MCTP1: variants seen among roughly 807,000 people sequenced by gnomAD.
MCTP1 encodes the protein multiple C2 and transmembrane domain-containing protein 1.
MCTP1 carries 69 observed loss-of-function variants against 120.6 expected under a neutral mutation model. The ratio of observed to expected loss-of-function variants is 0.57; its 90% CI spans 0.47 to 0.70. MCTP1 has a LOEUF of 0.70. MCTP1 is among the 30% of genes least tolerant of loss of function. The pLI, the probability that MCTP1 is intolerant of heterozygous loss-of-function variation, is 0.00. For synonymous variants in MCTP1, 529 were observed against 493.1 expected, an observed-to-expected ratio of 1.07 and a Z score of -0.96; for missense variants, 1,203 against 1,248.8, an observed-to-expected ratio of 0.96 and a Z score of 0.55.
chr5:94,730,139 G>GT (rs57402656), intron 19 of MCTP1, among the ~76,000 whole-genome samples: 34,040 of 152,064 alleles, frequency 0.22, 3,918 homozygotes, highest in East Asian at 0.35. Flanking sequence ...TTGCTTACAT[G>GT]TTTGGCTTGA....
At position 95,104,933 on chromosome 5, in the gene MCTP1, G is replaced by T. The variant is rs572220770; in HGVS notation, c.721-87449C>A. Among the ~76,000 whole-genome samples, 19 of 152,268 alleles carry T rather than the reference G, an allele frequency of 1.2e-4. 1 individual carries two copies. In the South Asian group the frequency reaches 3.7e-3, roughly 30 times the overall value. On this transcript the variant is annotated intron_variant, in intron 1 of 22. Transcript: ENST00000515393. Reference sequence around the variant, plus strand: ...GATATAAAATAATGTTTCTTTGGATGACTGAAATTCCCTAAGTTCTTCCTT... The same window carrying T: ...GATATAAAATAATGTTTCTTTGGATTACTGAAATTCCCTAAGTTCTTCCTT...
intron 12 of MCTP1, among the ~76,000 whole-genome samples, chr5:94,878,419 C>G (rs1055365553): frequency 6.6e-6 from 1 of 151,960 alleles, no homozygotes; most frequent in Non-Finnish European, 1.5e-5. Flanking sequence ...AATAAGACTT[C>G]TTTTTTTCTC....
intron 17 of MCTP1, among the ~76,000 whole-genome samples, chr5:94,846,965 A>G (rs933645992): frequency 1.3e-5 from 2 of 152,132 alleles, no homozygotes; most frequent in Non-Finnish European, 2.9e-5. Flanking sequence ...AGAAATGCAA[A>G]CAATTCCCAT....
intron 1 of MCTP1, among the ~76,000 whole-genome samples, chr5:95,033,750 A>ATT (rs1840718020): frequency 6.6e-6 from 1 of 152,036 alleles, no homozygotes; most frequent in Admixed American, 6.6e-5. Flanking sequence ...AACAAAAAGT[A>ATT]TCCAAGTAGG....
chr5:94,945,357 G>C (rs1191901274), intron 3 of MCTP1, among the ~76,000 whole-genome samples: 1 of 152,180 alleles, frequency 6.6e-6, no homozygotes, highest in African/African-American at 2.4e-5. Flanking sequence ...ATTGGGAAGT[G>C]TATCAGTTAA....
At chr5:95,043,154 G>C (rs1365885066) in intron 1 of MCTP1, among the ~76,000 whole-genome samples, 1 of 152,076 alleles carries the variant, frequency 6.6e-6, no homozygotes, top group Non-Finnish European at 1.5e-5. Flanking sequence ...CATATTATCA[G>C]ATATTTATAA....
At chr5:94,997,366 C>T (rs1832812861) in intron 2 of MCTP1, among the ~76,000 whole-genome samples, 1 of 152,096 alleles carries the variant, frequency 6.6e-6, no homozygotes, top group African/African-American at 2.4e-5. Context: ...ATCAGATAAC[C>T]ATGAAAGCTT....
chr5:94,966,567 A>G (rs1283838696), intron 2 of MCTP1, among the ~76,000 whole-genome samples: 3 of 152,118 alleles, frequency 2.0e-5, no homozygotes, highest in African/African-American at 7.2e-5. Flanking sequence ...AAGCCGAGGC[A>G]GGGGAATCAC....
chr5:95,018,146 C>T (rs1837479058), intron 1 of MCTP1, among the ~76,000 whole-genome samples: 1 of 151,968 alleles, frequency 6.6e-6, no homozygotes, highest in African/African-American at 2.4e-5. Context: ...TTATTTTTAG[C>T]AACAATATAC....
At chr5:94,949,714 T>C (rs1331190432) in intron 3 of MCTP1, among the ~76,000 whole-genome samples, 1 of 152,170 alleles carries the variant, frequency 6.6e-6, no homozygotes, top group Non-Finnish European at 1.5e-5. Context: ...TTTCCTGTAA[T>C]TATAGATAGG....
intron 17 of MCTP1, among the ~76,000 whole-genome samples, chr5:94,844,934 A>C (rs1791984098): frequency 6.6e-6 from 1 of 152,064 alleles, no homozygotes; most frequent in African/African-American, 2.4e-5. Flanking sequence ...TTGACTTCAC[A>C]TTAGAATAAC....
chr5:95,168,744 A>G (rs1746788607), intron 1 of MCTP1, among the ~76,000 whole-genome samples: 1 of 152,168 alleles, frequency 6.6e-6, no homozygotes, highest in African/African-American at 2.4e-5. Flanking sequence ...TTGCACATTG[A>G]TTTTTATCCC....
intron 1 of MCTP1, among the ~76,000 whole-genome samples, chr5:95,230,155 C>G (rs1237574286): frequency 6.6e-6 from 1 of 150,870 alleles, no homozygotes; most frequent in Non-Finnish European, 1.5e-5. Context: ...CATACACTCA[C>G]AAATACACAC....
In MCTP1 at chr5:95,015,276, G is replaced by A. The variant is rs554246300; in HGVS notation, c.838+2091C>T. Among the ~76,000 whole-genome samples the A allele has an allele frequency of 4.6e-5, 7 of 152,064 alleles. No homozygotes were observed. In the South Asian group the frequency reaches 1.5e-3, roughly 32 times the overall value. Reference sequence around the variant, plus strand: ...TATAATTCAAATACCCTTTTTCATAGCTACTTCGGTTAGTGGTTTTATTTC... The same window carrying A: ...TATAATTCAAATACCCTTTTTCATAACTACTTCGGTTAGTGGTTTTATTTC... On this transcript the variant is annotated intron_variant, in intron 2 of 22. Transcript: ENST00000515393.
intron 1 of MCTP1, among the ~76,000 whole-genome samples, chr5:95,095,639 T>C (rs1396171634): frequency 1.3e-5 from 2 of 152,210 alleles, no homozygotes; most frequent in Non-Finnish European, 2.9e-5. Flanking sequence ...CCTTTTTAAG[T>C]TGATTTCAGG....
chr5:95,278,779 A>G (rs1447508677), intron 1 of MCTP1, among the ~76,000 whole-genome samples: 1 of 152,080 alleles, frequency 6.6e-6, no homozygotes, highest in Non-Finnish European at 1.5e-5. Context: ...CCTAACCAAC[A>G]TGGAGACACC....
chr5:95,207,728 T>C (rs1751782666), intron 1 of MCTP1, among the ~76,000 whole-genome samples: 1 of 152,104 alleles, frequency 6.6e-6, no homozygotes, highest in Non-Finnish European at 1.5e-5. Flanking sequence ...TAGTAGGTTC[T>C]CAATAAATAT....
chr5:95,002,125 G>A (rs1423219372), intron 2 of MCTP1, among the ~76,000 whole-genome samples: 5 of 152,234 alleles, frequency 3.3e-5, no homozygotes, highest in African/African-American at 4.8e-5. Flanking sequence ...TGGGTGCACA[G>A]AAGTCAAGAA....
intron 1 of MCTP1, among the ~76,000 whole-genome samples, chr5:95,257,602 C>T (rs1031233584): frequency 6.6e-6 from 1 of 152,010 alleles, no homozygotes; most frequent in Non-Finnish European, 1.5e-5. Flanking sequence ...TTGTTCTATG[C>T]CATTAAAAAT....
Sources: gnomAD v4.1 joint callset for allele counts (sites outside exome capture counted in the v4.1 genomes callset) on GRCh38, gnomAD v4.1.1 for gene constraint, MANE v1.5 for transcripts, NCBI Gene and HGNC (gene_info 2026-07-23, HGNC 2026-07-21) for gene names.